SLC22A24: variants seen among roughly 807,000 people sequenced by gnomAD.
The protein encoded by SLC22A24 is solute carrier family 22 member 24.
Under a neutral mutation model 49.8 loss-of-function variants are expected in SLC22A24, and 53 were observed. The ratio of observed to expected loss-of-function variants is 1.06; its 90% CI spans 0.85 to 1.34. The LOEUF (loss-of-function observed/expected upper bound fraction) is 1.34, where lower values mean the gene tolerates loss of function less well. Ranked by LOEUF, SLC22A24 falls within the 40% of genes most tolerant of loss-of-function variation. The probability of loss-of-function intolerance (pLI) is 0.00; values close to 1 mark genes in which losing one functional copy is unlikely to be tolerated. For synonymous variants in SLC22A24, 302 were observed against 256.4 expected (o/e 1.18, Z -1.70); for missense variants, 786 against 675.9 (o/e 1.16, Z -1.81).
intron 1 of SLC22A24, among the ~76,000 whole-genome samples, chr11:63,135,537 G>A (rs997268435): frequency 6.6e-5 from 10 of 152,188 alleles, no homozygotes; most frequent in African/African-American, 1.9e-4. Context: ...TGGTGCAAAT[G>A]TAATTGTGGT....
At chr11:63,126,900 CT>C (rs1565337570) in intron 2 of SLC22A24, among the ~76,000 whole-genome samples, 1 of 152,058 alleles carries the variant, frequency 6.6e-6, no homozygotes, top group Non-Finnish European at 1.5e-5. Context: ...GTATTTTATT[CT>C]CTTAGTAGCA....
chr11:63,119,304 A>C lies in SLC22A24; in HGVS notation c.538T>G (p.Phe180Val), dbSNP rs1045575534. 1.3e-6 allele frequency: 2 copies of C among 1,549,900 alleles called. No homozygotes were observed. Among genetic ancestry groups the C allele is most frequent in the Non-Finnish European group, 1.7e-6 (2 of 1,146,500 alleles). The change falls in exon 3 of 10, where the codon TTC becomes GTC. Residue 180 changes from phenylalanine to valine, a missense_variant. Coordinates refer to ENST00000612278, the MANE Select transcript of SLC22A24 (RefSeq NM_001136506.2). ...GTGTTAGAGATGGCCAGCTGGAGGA[A>C]ACACAATTTGCATATGATCTTCCGT... The part of the protein sequence containing the change: ...VGRKIICKLC[F>V]LQLAISNTCA...
At chr11:63,124,938 C>T (rs946965057) in intron 2 of SLC22A24, among the ~76,000 whole-genome samples, 1 of 150,302 alleles carries the variant, frequency 6.7e-6, no homozygotes, top group African/African-American at 2.4e-5. Flanking sequence ...GAACATCACA[C>T]TCTGGGGACT....
At chr11:63,140,536 T>G (rs1185297493) in intron 1 of SLC22A24, among the ~76,000 whole-genome samples, 2 of 152,192 alleles carry the variant, frequency 1.3e-5, no homozygotes, top group Non-Finnish European at 2.9e-5. Flanking sequence ...CTTTGGAGCA[T>G]TAGATTATAG....
chr11:63,122,878 T>A (rs898230958), intron 2 of SLC22A24, among the ~76,000 whole-genome samples: 1 of 152,204 alleles, frequency 6.6e-6, no homozygotes, highest in African/African-American at 2.4e-5. Flanking sequence ...TATATAGTGA[T>A]GTTTCAATAC....
chr11:63,087,568 C>G (rs1179608155), intron 6 of SLC22A24, among the ~76,000 whole-genome samples: 1 of 152,166 alleles, frequency 6.6e-6, no homozygotes, highest in African/African-American at 2.4e-5. Flanking sequence ...CTTAGCAAGA[C>G]AGAACCATTT....
At chr11:63,138,793 A>G (rs2087394119) in intron 1 of SLC22A24, among the ~76,000 whole-genome samples, 2 of 152,126 alleles carry the variant, frequency 1.3e-5, no homozygotes, top group Admixed American at 1.3e-4. Context: ...GGCTTCTGGA[A>G]TGATTCCTTC....
intron 4 of SLC22A24, among the ~76,000 whole-genome samples, chr11:63,115,394 G>A (rs1057301035): frequency 1.3e-5 from 2 of 152,232 alleles, no homozygotes; most frequent in Non-Finnish European, 2.9e-5. Flanking sequence ...GTATCTCCTG[G>A]TCTGCTGGTT....
chr11:63,127,044 A>G (rs991586261), intron 2 of SLC22A24, among the ~76,000 whole-genome samples: 6 of 152,158 alleles, frequency 3.9e-5, no homozygotes, highest in African/African-American at 1.4e-4. Flanking sequence ...TTTGTTACAT[A>G]TGTATACACG....
At chr11:63,087,043 C>CACAT (rs2086991471) in intron 6 of SLC22A24, among the ~76,000 whole-genome samples, 1 of 111,168 alleles carries the variant, frequency 9.0e-6, no homozygotes, top group African/African-American at 3.1e-5. Context: ...CACACACACA[C>CACAT]ACACACACAC....
At chr11:63,113,017 A>C (rs1329557168) in intron 4 of SLC22A24, among the ~76,000 whole-genome samples, 1 of 48,062 alleles carries the variant, frequency 2.1e-5, no homozygotes, top group African/African-American at 1.3e-4. Flanking sequence ...GTCTCAAAAA[A>C]AAAAAAAAAA....
chr11:63,131,539 G>T (rs1159988371), intron 2 of SLC22A24, among the ~76,000 whole-genome samples: 1 of 152,136 alleles, frequency 6.6e-6, no homozygotes, highest in Admixed American at 6.5e-5. Flanking sequence ...CACTTATGAA[G>T]CTTAGTTTGG....
At chr11:63,103,316 G>T (rs1482129890) in intron 5 of SLC22A24, among the ~76,000 whole-genome samples, 1 of 152,004 alleles carries the variant, frequency 6.6e-6, no homozygotes, top group Non-Finnish European at 1.5e-5. Flanking sequence ...ATCCTTTTCT[G>T]ACCTATTAAG....
At chr11:63,117,122 T>C (rs903861614) in intron 4 of SLC22A24, among the ~76,000 whole-genome samples, 3 of 152,238 alleles carry the variant, frequency 2.0e-5, no homozygotes. Flanking sequence ...TGTGTAGAAG[T>C]CATGCTTTCA....
At chr11:63,123,996 C>T (rs1054484355) in intron 2 of SLC22A24, among the ~76,000 whole-genome samples, 1 of 151,996 alleles carries the variant, frequency 6.6e-6, no homozygotes, top group Non-Finnish European at 1.5e-5. Flanking sequence ...GGTGAAGGCA[C>T]CACCAGATAG....
At chr11:63,096,942 T>A (rs575331659) in intron 5 of SLC22A24, among the ~76,000 whole-genome samples, 24 of 152,292 alleles carry the variant, frequency 1.6e-4, no homozygotes, top group African/African-American at 4.6e-4. Flanking sequence ...CTAATAATTA[T>A]CTGAAGTCTT....
intron 4 of SLC22A24, among the ~76,000 whole-genome samples, chr11:63,107,762 G>A (rs1364265536): frequency 6.6e-6 from 1 of 152,092 alleles, no homozygotes; most frequent in Non-Finnish European, 1.5e-5. Flanking sequence ...AGGAATGCTT[G>A]TGATTTTCGC....
At chr11:63,131,476 G>T (rs1040787033) in intron 2 of SLC22A24, among the ~76,000 whole-genome samples, 1 of 152,116 alleles carries the variant, frequency 6.6e-6, no homozygotes, top group African/African-American at 2.4e-5. Context: ...AGGCCTGGTG[G>T]TGACAAAATC....
chr11:63,088,255 A>G (rs963736574), intron 6 of SLC22A24, among the ~76,000 whole-genome samples: 1 of 152,176 alleles, frequency 6.6e-6, no homozygotes, highest in African/African-American at 2.4e-5. Flanking sequence ...GCTGTTCTGC[A>G]ACCTCCACTG....
Sources: gnomAD v4.1 joint callset for allele counts (sites outside exome capture counted in the v4.1 genomes callset) on GRCh38, gnomAD v4.1.1 for gene constraint, MANE v1.5 for transcripts, NCBI Gene and HGNC (gene_info 2026-07-23, HGNC 2026-07-21) for gene names.